Variants in MED15 observed in about 807,000 individuals in gnomAD.
MED15 encodes the protein mediator complex subunit 15.
In MED15, 41 loss-of-function variants were observed where a neutral mutation model predicts 118.7. The observed-to-expected ratio is 0.35, with a 90% CI of 0.27 to 0.45. MED15 has a LOEUF of 0.45. MED15 is among the 20% of genes least tolerant of loss of function. MED15 has a pLI of 1.00. For missense variants in MED15, 740 were observed against 1,025.5 expected, an observed-to-expected ratio of 0.72 and a Z score of 3.80; for synonymous variants, 436 against 413.9, an observed-to-expected ratio of 1.05 and a Z score of -0.65.
chr22:20,514,248 T>G (rs1379996597), intron 1 of MED15, among the ~76,000 whole-genome samples: 1 of 152,148 alleles, frequency 6.6e-6, no homozygotes, highest in Non-Finnish European at 1.5e-5. Context: ...ACTGGCCTTT[T>G]TGGGGCTTGG....
chr22:20,586,603 A>G lies in MED15; in HGVS notation c.2266A>G (p.Met756Val). ...CTTCCTCCAGTCGGTGCACCGCTGC[A>G]TGACCTCCAGGCTGCTGCAGCTCCC... is the stretch of plus-strand genomic sequence containing the variant. The part of the protein sequence containing the change: ...NPFLQSVHRC[M>V]TSRLLQLPDK... The change falls in exon 18 of 18, where the codon ATG (methionine) becomes GTG (valine). Residue 756 changes from methionine (M) to valine (V), a missense_variant. Around this residue, in one of 7 missense-constraint regions of MED15, gnomAD observed 179 missense variants for 259.0 expected, o/e 0.69. Coordinates refer to ENST00000263205, the MANE Select transcript of MED15 (RefSeq NM_001003891.3). 6.2e-7 allele frequency: 1 copy of G among 1,612,998 alleles called. No individual in the cohort carries two copies. Among genetic ancestry groups the G allele is most frequent in the Non-Finnish European group, 8.5e-7 (1 of 1,179,954 alleles).
intron 3 of MED15, 176 bp downstream of exon 3, chr22:20,551,663 C>T (rs1233363416): frequency 1.5e-6 from 1 of 652,622 alleles, no homozygotes; most frequent in East Asian, 2.6e-5. Context: ...ATCCCTCCAT[C>T]CTCCCAGAGC....
chr22:20,566,525 A>G lies in MED15; in HGVS notation c.749A>G (p.Gln250Arg). Residue 250 changes from glutamine to arginine, a missense_variant, in exon 7 of 18, where the codon CAA becomes CGA. Physicochemically the swap from Gln to Arg is conservative, Grantham distance 43. Around this residue, in one of 7 missense-constraint regions of MED15, gnomAD observed 384 missense variants for 506.3 expected, o/e 0.76. Transcript: ENST00000263205. The part of the protein sequence containing the change: ...RIAQLQLQQQ[Q>R]QQQQQQQQQQ... Reference sequence around the variant, plus strand: ...GCACAGCTGCAGCTCCAACAACAGCAACAGCAGCAGCAGCAGCAGCAGCAG... The same window carrying G: ...GCACAGCTGCAGCTCCAACAACAGCGACAGCAGCAGCAGCAGCAGCAGCAG... The G allele has an allele frequency of 6.2e-7, 1 of 1,607,838 alleles. No homozygotes were observed. Among genetic ancestry groups the G allele is most frequent in the South Asian group, 1.1e-5 (1 of 90,770 alleles).
chr22:20,549,893 G>T (rs975900305), intron 2 of MED15, among the ~76,000 whole-genome samples: 6 of 152,232 alleles, frequency 3.9e-5, no homozygotes, highest in African/African-American at 1.4e-4. Flanking sequence ...CTGGTGTTAT[G>T]CAGAAGGGCT....
rs1052120001 is a variant in MED15 at position 20,516,010 on chromosome 22, A to AAAC, written c.68+8266_68+8267insCAA. On this transcript the variant is annotated intron_variant, in intron 1 of 17. Transcript: ENST00000263205. ...AGCAAGACTCTGTCTCAAAACAAAC[A>AAAC]AAAAAAATTAAAAATAAATAAGTAG... Among the ~76,000 whole-genome samples, 28 of 147,758 alleles carry AAAC rather than the reference A, an allele frequency of 1.9e-4. 1 individual carries two copies. The highest frequency in any genetic ancestry group is 7.0e-4 in the African/African-American group (28 of 39,896).
In MED15 at chr22:20,561,345, G is replaced by A. The variant is rs377693191; in HGVS notation, c.452-3105G>A. Reference sequence around the variant, plus strand: ...GCGATCCTGGCCAACATGGTGAAACGCCGTCTCTCCTAAAAATACAAAAAG... The same window carrying A: ...GCGATCCTGGCCAACATGGTGAAACACCGTCTCTCCTAAAAATACAAAAAG... On this transcript the variant is annotated intron_variant, in intron 5 of 17. Transcript: ENST00000263205. 7.2e-5 allele frequency among the ~76,000 whole-genome samples: 11 copies of A among 152,068 alleles called. No individual in the cohort carries two copies. The South Asian group carries it at 2.1e-3, about 29-fold the overall frequency.
chr22:20,558,769 C>T (rs1435378215), intron 5 of MED15, among the ~76,000 whole-genome samples: 1 of 152,060 alleles, frequency 6.6e-6, no homozygotes, highest in African/African-American at 2.4e-5. Context: ...CCCATACCCC[C>T]CAGAAGCAGG....
intron 1 of MED15, among the ~76,000 whole-genome samples, chr22:20,520,700 G>A (rs1439807430): frequency 6.6e-6 from 1 of 152,108 alleles, no homozygotes; most frequent in African/African-American, 2.4e-5. Flanking sequence ...GACTTCCATG[G>A]CCAGCCGAGA....
intron 9 of MED15, among the ~76,000 whole-genome samples, chr22:20,580,119 C>G (rs1412909925): frequency 2.0e-5 from 3 of 152,116 alleles, no homozygotes; most frequent in Non-Finnish European, 4.4e-5. Context: ...TAGAAATCTC[C>G]CTGTCTCCCA....
Position 20,570,746 on chromosome 22 carries a change from CTTTTTTTTTTTTT to C in MED15, c.1152+2133_1152+2145del, listed in dbSNP as rs61109389. Among the ~76,000 whole-genome samples, 41 of 62,104 alleles carry C rather than the reference CTTTTTTTTTTTTT, an allele frequency of 6.6e-4. No homozygotes were observed. In the South Asian group the frequency reaches 0.011, roughly 17 times the overall value. The allele number at this position is 62,104 out of a possible 152,430, so 40.7% of individuals were successfully genotyped here. ...TTTTCTTTTCTTTCTTTCTTTCTTT[CTTTTTTTTTTTTT>C]TTTTTTTTTTTTTTTTTGACAGAGT... On this transcript the variant is annotated intron_variant, in intron 8 of 17. Coordinates refer to ENST00000263205, the MANE Select transcript of MED15 (RefSeq NM_001003891.3).
chr22:20,519,092 G>C (rs997223075), intron 1 of MED15: 2 of 332,510 alleles, frequency 6.0e-6, no homozygotes, highest in African/African-American at 4.4e-5. Context: ...GGGCTCAAGC[G>C]ATCTGCTGCC....
chr22:20,509,998 C>T (rs572251589), intron 1 of MED15, among the ~76,000 whole-genome samples: 149 of 152,108 alleles, frequency 9.8e-4, no homozygotes, highest in African/African-American at 3.6e-3. Context: ...ATTTTGCTTC[C>T]GGGAGAATTG....
chr22:20,566,365 A>C, intron 6 of MED15, 102 bp from the exon 7 acceptor site: 1 of 1,556,452 alleles, frequency 6.4e-7, no homozygotes, highest in Non-Finnish European at 8.7e-7. Context: ...ATGGCTCTGC[A>C]GATGGCCACC....
At chr22:20,583,805 TGAAAATGAA>T (rs1305820363) in intron 13 of MED15, 3 of 237,874 alleles carry the variant, frequency 1.3e-5, no homozygotes, top group Admixed American at 9.9e-5. Flanking sequence ...TGTGTTGTCA[TGAAAATGAA>T]ACAAGGTGGC....
At chr22:20,508,775 G>T (rs977781087) in intron 1 of MED15, among the ~76,000 whole-genome samples, 1 of 152,198 alleles carries the variant, frequency 6.6e-6, no homozygotes, top group Non-Finnish European at 1.5e-5. Flanking sequence ...AGGCCATCTG[G>T]ATGTATACGT....
At chr22:20,528,698 G>A (rs917810820) in intron 1 of MED15, among the ~76,000 whole-genome samples, 1 of 152,216 alleles carries the variant, frequency 6.6e-6, no homozygotes, top group Non-Finnish European at 1.5e-5. Flanking sequence ...TCACTGCGAT[G>A]GAGGAGGCTG....
At chr22:20,586,150 C>T (rs1569257012) in intron 17 of MED15, among the ~76,000 whole-genome samples, 1 of 152,206 alleles carries the variant, frequency 6.6e-6, no homozygotes, top group Non-Finnish European at 1.5e-5. Flanking sequence ...TCCCAGAGGC[C>T]ACTAGCTTCC....
chr22:20,567,966 A>C (rs556500445), intron 7 of MED15, among the ~76,000 whole-genome samples: 1 of 152,128 alleles, frequency 6.6e-6, no homozygotes, highest in Non-Finnish European at 1.5e-5. Context: ...CAGCCTCCCA[A>C]GTAGCTGGGG....
intron 1 of MED15, among the ~76,000 whole-genome samples, chr22:20,511,635 A>T (rs980231321): frequency 1.3e-5 from 2 of 151,664 alleles, no homozygotes; most frequent in African/African-American, 4.8e-5. Flanking sequence ...TCCCACTGAG[A>T]AAAAGGGATT....
Sources: allele counts gnomAD v4.1 joint callset (sites outside exome capture counted in the v4.1 genomes callset), GRCh38; gene constraint gnomAD v4.1.1; regional missense constraint gnomAD v4.1.1; transcripts MANE v1.5; gene names NCBI Gene and HGNC (gene_info 2026-07-23, HGNC 2026-07-21).